The following OXR1 variants were observed in gnomAD, a reference collection of about 807,000 sequenced individuals.
OXR1 encodes oxidation resistance protein 1.
In OXR1, 41 loss-of-function variants were observed where a neutral mutation model predicts 104.6. The ratio of observed to expected loss-of-function variants is 0.39; its 90% confidence interval spans 0.31 to 0.51. OXR1 has a LOEUF of 0.51. Among genes scored for constraint, OXR1 ranks in the 20% least tolerant of loss-of-function variants. OXR1 has a pLI of 0.77. For missense variants in OXR1, 955 were observed against 1,031.9 expected (o/e 0.93, Z 1.02); for synonymous variants, 348 against 348.4 (o/e 1.00, Z 0.01).
At chr8:106,692,502 C>G (rs1264044496) in intron 6 of OXR1, among the ~76,000 whole-genome samples, 3 of 151,968 alleles carry the variant, frequency 2.0e-5, no homozygotes, top group Non-Finnish European at 2.9e-5. Context: ...TTAAAAATCA[C>G]TATAAATGTA....
At chr8:106,622,453 G>GCACACACA (rs34839524) in intron 3 of OXR1, among the ~76,000 whole-genome samples, 103 of 136,380 alleles carry the variant, frequency 7.6e-4, no homozygotes, top group African/African-American at 2.5e-3. Flanking sequence ...ATCACCCCCA[G>GCACACACA]CACACACACA....
At chr8:106,442,291 T>C (rs1221475471) in intron 2 of OXR1, among the ~76,000 whole-genome samples, 1 of 152,204 alleles carries the variant, frequency 6.6e-6, no homozygotes, top group Non-Finnish European at 1.5e-5. Context: ...GGTAAGTTTT[T>C]TGATGTGCTG....
intron 2 of OXR1, among the ~76,000 whole-genome samples, chr8:106,421,166 G>A (rs1818888819): frequency 2.6e-5 from 4 of 152,002 alleles, no homozygotes; most frequent in Admixed American, 2.6e-4. Flanking sequence ...TGATTTCTTA[G>A]AATACTTGGA....
intron 9 of OXR1, among the ~76,000 whole-genome samples, chr8:106,708,021 C>G (rs1296203851): frequency 6.6e-6 from 1 of 152,098 alleles, no homozygotes; most frequent in African/African-American, 2.4e-5. Context: ...AGTACATTCA[C>G]ATTGTTATGC....
intron 3 of OXR1, among the ~76,000 whole-genome samples, chr8:106,583,814 C>T (rs1818428082): frequency 6.6e-6 from 1 of 152,068 alleles, no homozygotes; most frequent in Admixed American, 6.6e-5. Flanking sequence ...GAAGACTTAA[C>T]GTTACTGACA....
At chr8:106,366,539 A>G (rs1457582444) in intron 2 of OXR1, among the ~76,000 whole-genome samples, 2 of 152,226 alleles carry the variant, frequency 1.3e-5, no homozygotes, top group Non-Finnish European at 2.9e-5. Context: ...ATTTTCTGTA[A>G]GTGTATAAAA....
At chr8:106,598,027 C>T (rs1819660179) in intron 3 of OXR1, among the ~76,000 whole-genome samples, 1 of 152,204 alleles carries the variant, frequency 6.6e-6, no homozygotes, top group East Asian at 1.9e-4. Context: ...GTGCTAGAAC[C>T]TCTCATACAA....
chr8:106,391,352 A>T (rs1817580726), intron 2 of OXR1, among the ~76,000 whole-genome samples: 1 of 152,090 alleles, frequency 6.6e-6, no homozygotes, highest in South Asian at 2.1e-4. Context: ...TTTGGGCATG[A>T]GTTGCTAAGA....
chr8:106,295,406 T>C (rs1483685133), intron 1 of OXR1, among the ~76,000 whole-genome samples: 11 of 152,188 alleles, frequency 7.2e-5, no homozygotes, highest in Non-Finnish European at 4.4e-5. Flanking sequence ...TGTATATATG[T>C]CTATCATATA....
At chr8:106,401,190 G>C (rs1025939815) in intron 2 of OXR1, among the ~76,000 whole-genome samples, 2 of 152,086 alleles carry the variant, frequency 1.3e-5, no homozygotes, top group African/African-American at 4.8e-5. Flanking sequence ...GAACAACCAG[G>C]TGTACTGCTC....
intron 3 of OXR1, among the ~76,000 whole-genome samples, chr8:106,533,328 A>C (rs1311620354): frequency 3.3e-5 from 5 of 152,240 alleles, no homozygotes; most frequent in Non-Finnish European, 5.9e-5. Flanking sequence ...AAATGAAACT[A>C]TGTCATTCAT....
chr8:106,557,531 A>G (rs1464038873), intron 3 of OXR1, among the ~76,000 whole-genome samples: 1 of 145,412 alleles, frequency 6.9e-6, no homozygotes, highest in African/African-American at 2.4e-5. Context: ...TGGTAAAACT[A>G]CTGTTTTTTA....
At position 106,527,139 on chromosome 8, in the gene OXR1, A is replaced by C. The variant is rs140074235; in HGVS notation, c.220+8000A>C. Among the ~76,000 whole-genome samples the C allele has an allele frequency of 2.3e-3, 356 of 152,338 alleles. 1 individual carries two copies. Among genetic ancestry groups the C allele is most frequent in the African/African-American group, 7.6e-3 (317 of 41,586 alleles). On this transcript the variant is annotated intron_variant, in intron 3 of 16. Coordinates refer to ENST00000517566, the MANE Select transcript of OXR1 (RefSeq NM_001198533.2). ...TATGCCTCTTTATAAAAGGAAATAA[A>C]ACTGTTGCTTACTGAAAGGGCTGTG...
intron 1 of OXR1, among the ~76,000 whole-genome samples, chr8:106,292,377 G>T (rs1812789843): frequency 1.3e-5 from 2 of 152,136 alleles, no homozygotes; most frequent in Admixed American, 1.3e-4. Flanking sequence ...AGAAATTGTG[G>T]AGAAGGAAAA....
chr8:106,617,443 G>A (rs1165844760), intron 3 of OXR1, among the ~76,000 whole-genome samples: 1 of 152,002 alleles, frequency 6.6e-6, no homozygotes, highest in Non-Finnish European at 1.5e-5. Context: ...AAAAAGGGGG[G>A]TGGGTGCTAA....
At chr8:106,282,521 C>G (rs1469639980) in intron 1 of OXR1, among the ~76,000 whole-genome samples, 1 of 152,096 alleles carries the variant, frequency 6.6e-6, no homozygotes, top group Non-Finnish European at 1.5e-5. Context: ...TAATAGCCTA[C>G]TATTGACCAG....
At chr8:106,603,145 T>C (rs1480144331) in intron 3 of OXR1, among the ~76,000 whole-genome samples, 1 of 152,218 alleles carries the variant, frequency 6.6e-6, no homozygotes, top group Non-Finnish European at 1.5e-5. Context: ...CTATTTCTTC[T>C]TGCCTGGCCT....
At chr8:106,580,055 T>C (rs1422178385) in intron 3 of OXR1, among the ~76,000 whole-genome samples, 3 of 152,186 alleles carry the variant, frequency 2.0e-5, no homozygotes, top group African/African-American at 7.2e-5. Context: ...TGACTCTAAA[T>C]GCACAGAACT....
chr8:106,738,721 A>G (rs1834626294), intron 12 of OXR1, among the ~76,000 whole-genome samples: 1 of 149,978 alleles, frequency 6.7e-6, no homozygotes, highest in African/African-American at 2.4e-5. Flanking sequence ...TAACATTCTT[A>G]TCGTTTTAAG....
Sources: allele counts gnomAD v4.1 joint callset (sites outside exome capture counted in the v4.1 genomes callset), GRCh38; gene constraint gnomAD v4.1.1; transcripts MANE v1.5; gene names NCBI Gene and HGNC (gene_info 2026-07-23, HGNC 2026-07-21).